Variants in XNDC1N observed in about 807,000 individuals in gnomAD.
The protein encoded by XNDC1N is XRCC1 N-terminal domain containing 1, N-terminal like, also known as protein XNDC1N.
At chr11:71,905,780 G>A in the XNDC1N span, among the ~76,000 whole-genome samples, 1 of 152,008 alleles carries the variant, frequency 6.6e-6, no homozygotes, top group African/African-American at 2.4e-5. Flanking sequence ...ATCACAGGAT[G>A]TACACACATG....
At chr11:71,885,019 T>C in the XNDC1N span, among the ~76,000 whole-genome samples, 144 of 152,190 alleles carry the variant, frequency 9.5e-4, 1 homozygote, top group Non-Finnish European at 1.6e-3. Flanking sequence ...CCGCGGTGGA[T>C]ACACAGCCTG....
the XNDC1N span, among the ~76,000 whole-genome samples, chr11:71,922,800 G>T: frequency 6.6e-6 from 1 of 152,090 alleles, no homozygotes; most frequent in South Asian, 2.1e-4. Flanking sequence ...AGTAAATAGA[G>T]CAGTGACAGG....
At chr11:71,866,720 C>A in the XNDC1N span, among the ~76,000 whole-genome samples, 1 of 151,660 alleles carries the variant, frequency 6.6e-6, no homozygotes, top group Admixed American at 6.6e-5. Flanking sequence ...GCCGAGATTG[C>A]GCCACTGTAC....
At chr11:71,889,056 C>T in the XNDC1N span, among the ~76,000 whole-genome samples, 5,530 of 152,254 alleles carry the variant, frequency 0.036, 333 homozygotes, top group African/African-American at 0.13. Context: ...TAACCCTGGA[C>T]ACTGTTGTTG....
At chr11:71,918,044 G>A in the XNDC1N span, among the ~76,000 whole-genome samples, 9 of 152,136 alleles carry the variant, frequency 5.9e-5, no homozygotes, top group South Asian at 2.1e-4. Context: ...CTCTGGCCCC[G>A]GTGGAAAGCG....
the XNDC1N span, among the ~76,000 whole-genome samples, chr11:71,918,045 GT>G: frequency 6.6e-6 from 1 of 152,170 alleles, no homozygotes; most frequent in Non-Finnish European, 1.5e-5. Flanking sequence ...TCTGGCCCCG[GT>G]GGAAAGCGCT....
the XNDC1N span, among the ~76,000 whole-genome samples, chr11:71,897,503 A>T: frequency 7.9e-5 from 12 of 152,234 alleles, no homozygotes; most frequent in Non-Finnish European, 1.6e-4. Context: ...CATCATAGGG[A>T]AGCACAAATC....
chr11:71,900,209 C>T, the XNDC1N span, among the ~76,000 whole-genome samples: 3,766 of 152,320 alleles, frequency 0.025, 57 homozygotes, highest in Middle Eastern at 0.061. Context: ...TCAGTAAAAA[C>T]TGAGGGAACT....
the XNDC1N span, among the ~76,000 whole-genome samples, chr11:71,909,427 C>G: frequency 6.6e-6 from 1 of 152,040 alleles, no homozygotes; most frequent in South Asian, 2.1e-4. Flanking sequence ...AGAAATAGGA[C>G]AGTGGAAGAA....
At chr11:71,902,004 T>G in the XNDC1N span, among the ~76,000 whole-genome samples, 1 of 152,108 alleles carries the variant, frequency 6.6e-6, no homozygotes, top group African/African-American at 2.4e-5. Flanking sequence ...TTTGTCCTTC[T>G]CTCAGTAAGG....
the XNDC1N span, among the ~76,000 whole-genome samples, chr11:71,908,952 T>C: frequency 6.6e-6 from 1 of 152,172 alleles, no homozygotes; most frequent in East Asian, 1.9e-4. Context: ...CCTGGAAGGA[T>C]TAATGAGGGG....
chr11:71,912,587 C>T, the XNDC1N span, among the ~76,000 whole-genome samples: 56 of 152,028 alleles, frequency 3.7e-4, 2 homozygotes, highest in Admixed American at 2.6e-3. Context: ...ATATTGGGCA[C>T]AAAAACACAA....
At chr11:71,891,801 C>A in the XNDC1N span, among the ~76,000 whole-genome samples, 1 of 151,872 alleles carries the variant, frequency 6.6e-6, no homozygotes, top group Admixed American at 6.6e-5. Context: ...AAAACAATAT[C>A]ATCGGGGCTG....
At chr11:71,898,381 C>G in the XNDC1N span, among the ~76,000 whole-genome samples, 3 of 151,950 alleles carry the variant, frequency 2.0e-5, no homozygotes, top group Admixed American at 6.6e-5. Flanking sequence ...CTGAGGCAGG[C>G]GGATCACTTA....
At chr11:71,872,995 C>G in the XNDC1N span, among the ~76,000 whole-genome samples, 1 of 151,780 alleles carries the variant, frequency 6.6e-6, no homozygotes, top group Non-Finnish European at 1.5e-5. Flanking sequence ...TATTTTTTTT[C>G]TCTTTTTCTC....
the XNDC1N span, among the ~76,000 whole-genome samples, chr11:71,906,229 C>T: frequency 2.0e-5 from 3 of 151,516 alleles, no homozygotes; most frequent in South Asian, 2.1e-4. Flanking sequence ...CAGAATATTA[C>T]GAATAATGTC....
the XNDC1N span, among the ~76,000 whole-genome samples, chr11:71,901,633 A>C: frequency 8.9e-4 from 135 of 151,650 alleles, no homozygotes; most frequent in Non-Finnish European, 1.5e-3. Context: ...AACAAAAAAA[A>C]CCACAACTTT....
the XNDC1N span, among the ~76,000 whole-genome samples, chr11:71,924,679 G>A: frequency 1.3e-5 from 2 of 151,488 alleles, no homozygotes; most frequent in South Asian, 2.1e-4. Context: ...GCGAGACTCC[G>A]TCTCAGAAAA....
At chr11:71,889,137 A>C in the XNDC1N span, among the ~76,000 whole-genome samples, 1 of 152,140 alleles carries the variant, frequency 6.6e-6, no homozygotes, top group Non-Finnish European at 1.5e-5. Context: ...GGGCCTTAGA[A>C]CTCAGTGAGG....
Sources: gnomAD v4.1 joint callset for allele counts (sites outside exome capture counted in the v4.1 genomes callset) on GRCh38, gnomAD v4.1.1 for gene constraint, MANE v1.5 for transcripts, NCBI Gene and HGNC (gene_info 2026-07-23, HGNC 2026-07-21) for gene names.